The following CPNE7 variants were observed in gnomAD, a reference collection of about 807,000 sequenced individuals.
CPNE7 encodes the protein copine 7.
A neutral mutation model predicts 66.5 loss-of-function variants in CPNE7; 78 were observed. The ratio of observed to expected loss-of-function variants is 1.17; its 90% CI spans 0.98 to 1.42. The LOEUF (loss-of-function observed/expected upper bound fraction) is 1.42, where lower values mean the gene tolerates loss of function less well. Ranked by LOEUF, CPNE7 falls within the 40% of genes most tolerant of loss-of-function variation. The pLI is 0.00. For synonymous variants in CPNE7, 468 were observed against 336.7 expected (o/e 1.39, Z -4.27); for missense variants, 1,012 against 776.6 (o/e 1.30, Z -3.60).
chr16:89,595,542 C>T lies in CPNE7; in HGVS notation c.1478C>T (p.Pro493Leu), dbSNP rs1476171886. 1.2e-6 allele frequency: 2 copies of T among 1,612,304 alleles called. No homozygotes were observed. The highest frequency in any genetic ancestry group is 1.7e-5 in the Admixed American group (1 of 59,984). The part of the protein sequence containing the change: ...LDGDDGVLRS[P>L]RGEPALRDIV... ...GGCGACGACGGCGTCCTGCGCTCCC[C>T]ACGGGGTGAGCCCGCGCTCCGGGAC... Residue 493 changes from proline (P) to leucine (L), a missense_variant, in exon 14 of 15, where the codon CCA becomes CTA. Physicochemically the swap from Pro to Leu is moderately conservative, Grantham distance 98 (BLOSUM62 -3). Coordinates refer to ENST00000319518, the MANE Select transcript of CPNE7 (RefSeq NM_153636.3).
At chr16:89,585,272 C>T (rs2059016740) in intron 5 of CPNE7, among the ~76,000 whole-genome samples, 192 bp from the exon 6 acceptor site, 1 of 152,302 alleles carries the variant, frequency 6.6e-6, no homozygotes, top group Non-Finnish European at 1.5e-5. Flanking sequence ...AAATGTGTCT[C>T]CCGGGTCCTC....
chr16:89,585,515 A>C lies in CPNE7; in HGVS notation c.643A>C (p.Ser215Arg), dbSNP rs755869787. Residue 215 changes from serine (S) to arginine (R), a missense_variant, in exon 6 of 15, where the codon AGT becomes CGT. Physicochemically the swap from Ser to Arg is moderately radical, Grantham distance 110. Transcript: ENST00000319518. ...GTGGGAGGCCTTCAAAGTCTCTCTG[A>C]GTTCCCTCTGCAGCTGCGAGGAGAC... ...PVWEAFKVSL[S>R]SLCSCEETRP... 2 of 1,611,876 alleles carry C rather than the reference A, an allele frequency of 1.2e-6. No individual in the cohort carries two copies.
At chr16:89,589,324 TA>T (rs1387214640) in intron 10 of CPNE7, among the ~76,000 whole-genome samples, 1 of 152,122 alleles carries the variant, frequency 6.6e-6, no homozygotes, top group Non-Finnish European at 1.5e-5. Context: ...AAGGGCTGGG[TA>T]GCCCTACTGG....
rs762526295 is a variant in CPNE7 at position 89,591,069 on chromosome 16, G to A, written c.1168+11G>A. On this transcript the variant is annotated intron_variant, in intron 12 of 14. Coordinates refer to ENST00000319518, the MANE Select transcript of CPNE7 (RefSeq NM_153636.3). Reference sequence around the variant, plus strand: ...ACGATGAGTGTGAAGGTAGGAGCTCGAGGCAGGCCTGGGGAGGGGAGTGCA... The same window carrying A: ...ACGATGAGTGTGAAGGTAGGAGCTCAAGGCAGGCCTGGGGAGGGGAGTGCA... 24 of 1,613,518 alleles carry A rather than the reference G, an allele frequency of 1.5e-5. No homozygotes were observed. The highest frequency in any genetic ancestry group is 2.7e-5 in the African/African-American group (2 of 74,852).
Position 89,577,570 on chromosome 16 carries a change from T to C in CPNE7, c.206T>C (p.Leu69Pro). ...AGAACCGAGGTGGTCCGGAGCAGCC[T>C]GCATCCCGTGTTCTCCAAGGTCTTC... The part of the protein sequence containing the change: ...VGRTEVVRSS[L>P]HPVFSKVFTV... Residue 69 changes from leucine to proline, a missense_variant, in exon 2 of 15, where the codon CTG (leucine) becomes CCG (proline). Physicochemically the swap from Leu to Pro is moderately conservative, Grantham distance 98. Coordinates refer to ENST00000319518, the MANE Select transcript of CPNE7 (RefSeq NM_153636.3). The C allele has an allele frequency of 6.4e-7, 1 of 1,552,450 alleles. No homozygotes were observed. The highest frequency in any genetic ancestry group is 1.2e-5 in the South Asian group (1 of 84,098).
In CPNE7 at chr16:89,589,175, C is replaced by T. The variant is rs370119466; in HGVS notation, c.1061+367C>T. 2.6e-4 allele frequency among the ~76,000 whole-genome samples: 39 copies of T among 152,294 alleles called. No homozygotes were observed. The East Asian group carries it at 6.7e-3, about 26-fold the overall frequency. ...GGCGTGGTGGCAGATGCCTGTAATC[C>T]CAGCTACTCAGGAGGCTGAGGCAGG... On this transcript the variant is annotated intron_variant, in intron 10 of 14. Coordinates refer to ENST00000319518, the MANE Select transcript of CPNE7 (RefSeq NM_153636.3).
chr16:89,587,818 C>CACCCACAGATACATGGCCCCCCGTGTT (rs2059092704), intron 9 of CPNE7: 1 of 34,134 alleles, frequency 2.9e-5, no homozygotes, highest in Non-Finnish European at 6.4e-5. Flanking sequence ...CCCCCCGTGT[C>CACCCACAGATACATGGCCCCCCGTGTT]ACCCGCGTGT....
chr16:89,583,658 C>T (rs2058990722), intron 2 of CPNE7, 39 bp from the exon 3 acceptor site: 2 of 1,610,544 alleles, frequency 1.2e-6, no homozygotes, highest in Admixed American at 1.7e-5. Flanking sequence ...AGGAGCCGTC[C>T]CCGCCTGCCC....
intron 9 of CPNE7, 28 bp downstream of exon 9, chr16:89,587,130 C>G (rs764539494): frequency 2.4e-5 from 32 of 1,333,802 alleles, no homozygotes; most frequent in Non-Finnish European, 3.0e-5. Flanking sequence ...CCCCATGCCG[C>G]CCCCTCAGTC....
chr16:89,590,489 C>T (rs1439627149), intron 11 of CPNE7, among the ~76,000 whole-genome samples: 2 of 152,078 alleles, frequency 1.3e-5, no homozygotes, highest in Admixed American at 6.6e-5. Context: ...CGCACCACTG[C>T]AGTCCAGCCT....
chr16:89,587,066 G>T lies in CPNE7; in HGVS notation c.891G>T (p.Leu297=). ...DLKFHRVYSF[L]DYIMGGCQIH... is the part of the protein sequence containing the mutation. Reference sequence around the variant, plus strand: ...AGTTCCACAGGGTGTACTCCTTCCTGGACTATATCATGGGCGGCTGCCAGA... The same window carrying T: ...AGTTCCACAGGGTGTACTCCTTCCTTGACTATATCATGGGCGGCTGCCAGA... The change falls in exon 9 of 15, where the codon CTG becomes CTT. Residue 297 remains leucine (L), a synonymous_variant. Transcript: ENST00000319518. 6.3e-7 allele frequency: 1 copy of T among 1,579,850 alleles called. No homozygotes were observed. The highest frequency in any genetic ancestry group is 1.2e-5 in the South Asian group (1 of 86,728).
Position 89,584,527 on chromosome 16 carries a change from C to T in CPNE7, c.508-247C>T, listed in dbSNP as rs1402037667. Among the ~76,000 whole-genome samples, 1 of 142,980 alleles carries T rather than the reference C, an allele frequency of 7.0e-6. No individual in the cohort carries two copies. The allele number at this position is 142,980 out of a possible 152,430, so 93.8% of individuals were successfully genotyped here. ...AGTCGCAGGGTGTGTAGGGCAAGTC[C>T]GTGGAGGGCTGAGTCGCAGGGTGTG... On this transcript the variant is annotated intron_variant, in intron 4 of 14. Coordinates refer to ENST00000319518, the MANE Select transcript of CPNE7 (RefSeq NM_153636.3). This position sits in a 1 kb window ranked among gnomAD's most constrained non-coding sequence, Gnocchi z 6.0.
chr16:89,581,257 C>G (rs1210984284), intron 2 of CPNE7, among the ~76,000 whole-genome samples: 2 of 151,472 alleles, frequency 1.3e-5, no homozygotes, highest in Non-Finnish European at 2.9e-5. Context: ...AACATCCGAT[C>G]ACCCGTCACA....
At chr16:89,586,810 C>T in intron 8 of CPNE7, 54 bp downstream of exon 8, 1 of 1,473,472 alleles carries the variant, frequency 6.8e-7, no homozygotes, top group Non-Finnish European at 9.5e-7. Flanking sequence ...GCTTCCGCTG[C>T]CTCCCTCTGA....
chr16:89,583,834 T>A, intron 3 of CPNE7, 63 bp downstream of exon 3: 17 of 1,582,710 alleles, frequency 1.1e-5, no homozygotes, highest in Admixed American at 1.7e-5. Flanking sequence ...AGGGGTGTTG[T>A]GGGCGGAAGA....
In CPNE7 at chr16:89,584,200, C is replaced by A; in HGVS notation, c.507+98C>A. On this transcript the variant is annotated intron_variant, in intron 4 of 14. Coordinates refer to ENST00000319518, the MANE Select transcript of CPNE7 (RefSeq NM_153636.3). This position sits in a 1 kb window ranked among gnomAD's most constrained non-coding sequence, Gnocchi z 6.0. The stretch of plus-strand genomic sequence containing the variant: ...CAGCGCTGACCTCGCGTGGCTATGT[C>A]CCGTGTGAGACGTGTGCGGAGTGTG... The A allele has an allele frequency of 1.6e-6, 2 of 1,254,032 alleles. No homozygotes were observed. The highest frequency in any genetic ancestry group is 2.2e-6 in the Non-Finnish European group (2 of 896,362). 77.7% of individuals were successfully genotyped at this position (1,254,032 alleles called of 1,614,324 possible).
Position 89,586,695 on chromosome 16 carries a change from A to G in CPNE7, c.806A>G (p.Lys269Arg). ...GQAQWDCVNP[K>R]YKQKRRSYKN... ...GCCCAGTGGGACTGTGTGAACCCCAAATACAAGCAGAAGAGACGCAGTTAT... is the reference window on the plus strand; with the variant it reads ...GCCCAGTGGGACTGTGTGAACCCCAGATACAAGCAGAAGAGACGCAGTTAT... The change falls in exon 8 of 15, where the codon AAA becomes AGA. Residue 269 changes from lysine to arginine, a missense_variant. Coordinates refer to ENST00000319518, the MANE Select transcript of CPNE7 (RefSeq NM_153636.3). 1.9e-6 allele frequency: 3 copies of G among 1,612,516 alleles called. No homozygotes were observed. Among genetic ancestry groups the G allele is most frequent in the East Asian group, 2.2e-5 (1 of 44,718 alleles).
chr16:89,585,732 G>C lies in CPNE7; in HGVS notation c.727G>C (p.Gly243Arg), dbSNP rs1462728159. Residue 243 changes from glycine to arginine, a missense_variant, in exon 7 of 15, where the codon GGA becomes CGA. Physicochemically the swap from Gly to Arg is moderately radical, Grantham distance 125 (BLOSUM62 -2). Coordinates refer to ENST00000319518, the MANE Select transcript of CPNE7 (RefSeq NM_153636.3). ...YDSRGKHDFI[G>R]EFSTTFEEMQ... is the part of the protein sequence containing the mutation. ...CTCTCGAGGAAAGCACGACTTCATC[G>C]GAGAATTCTCTACCACCTTCGAGGA... is the stretch of plus-strand genomic sequence containing the variant. 2 of 1,543,852 alleles carry C rather than the reference G, an allele frequency of 1.3e-6. No individual in the cohort carries two copies. The highest frequency in any genetic ancestry group is 1.7e-6 in the Non-Finnish European group (2 of 1,143,906).
At chr16:89,589,146 G>A (rs1166200533) in intron 10 of CPNE7, among the ~76,000 whole-genome samples, 1 of 152,192 alleles carries the variant, frequency 6.6e-6, no homozygotes, top group Non-Finnish European at 1.5e-5. Flanking sequence ...ACAAAAATTA[G>A]CTGGGCGTGG....
Sources: allele counts gnomAD v4.1 joint callset (sites outside exome capture counted in the v4.1 genomes callset), GRCh38; gene constraint gnomAD v4.1.1; non-coding constraint Gnocchi (gnomAD v3.1); transcripts MANE v1.5; gene names NCBI Gene and HGNC (gene_info 2026-07-23, HGNC 2026-07-21).